ATP6V1B1: variants seen among roughly 807,000 people sequenced by gnomAD.
ATP6V1B1 encodes the protein ATPase H+ transporting V1 subunit B1, also known as V-type proton ATPase subunit B, kidney isoform.
In ATP6V1B1, 41 loss-of-function variants were observed where a neutral mutation model predicts 62.1. The observed-to-expected ratio is 0.66, with a 90% CI of 0.51 to 0.86. The LOEUF is 0.86. Ranked by LOEUF, ATP6V1B1 falls within the 40% of genes least tolerant of loss-of-function variation. ATP6V1B1 has a pLI of 0.00. For synonymous variants in ATP6V1B1, 253 were observed against 273.4 expected, an observed-to-expected ratio of 0.93 and a Z score of 0.74; for missense variants, 651 against 697.5, an observed-to-expected ratio of 0.93 and a Z score of 0.75.
chr2:70,942,033 T>C (rs1300918973), intron 1 of ATP6V1B1: 5 of 1,110,258 alleles, frequency 4.5e-6, no homozygotes, highest in Non-Finnish European at 5.5e-6. Context: ...CGAGGTTTAT[T>C]TTGTACTGGA....
In ATP6V1B1 at chr2:70,944,958, T is replaced by C. The variant is rs187467915; in HGVS notation, c.174+1245T>C. On this transcript the variant is annotated intron_variant, in intron 2 of 13. Coordinates refer to ENST00000234396, the MANE Select transcript of ATP6V1B1 (RefSeq NM_001692.4). ...CTGGGATTACAGGCGTGAGCCACCG[T>C]GCCCAGCTGCTTACAGGTCTTTTCT... 2.6e-4 allele frequency among the ~76,000 whole-genome samples: 40 copies of C among 152,268 alleles called. 1 individual carries two copies. Among genetic ancestry groups the C allele is most frequent in the Middle Eastern group, 3.4e-3 (1 of 294 alleles).
In ATP6V1B1 at chr2:70,959,247, C is replaced by G. The variant is rs2104826630; in HGVS notation, c.445+152C>G. On this transcript the variant is annotated intron_variant, in intron 5 of 13. Coordinates refer to ENST00000234396, the MANE Select transcript of ATP6V1B1 (RefSeq NM_001692.4). The surrounding 1 kb of genome is among the most constrained non-coding windows in gnomAD (Gnocchi z 4.2). Reference sequence around the variant, plus strand: ...CCAAATCTTCCACTGAACCCCAACACTGCCGTCAGCACTCCATGTCCATCC... The same window carrying G: ...CCAAATCTTCCACTGAACCCCAACAGTGCCGTCAGCACTCCATGTCCATCC... The G allele has an allele frequency of 1.2e-6, 1 of 818,724 alleles. No individual in the cohort carries two copies. The highest frequency in any genetic ancestry group is 1.7e-5 in the African/African-American group (1 of 59,466). 50.7% of individuals were successfully genotyped at this position (818,724 alleles called of 1,614,324 possible).
chr2:70,963,060 C>T lies in ATP6V1B1; in HGVS notation c.910-102C>T. On this transcript the variant is annotated intron_variant, in intron 9 of 13. Coordinates refer to ENST00000234396, the MANE Select transcript of ATP6V1B1 (RefSeq NM_001692.4). The surrounding 1 kb of genome is among the most constrained non-coding windows in gnomAD (Gnocchi z 4.3). Reference sequence around the variant, plus strand: ...TCTCAGCCTGGCCATTCCTCCCCTGCCCCCCACTCCATTTCTCACAGGGTC... The same window carrying T: ...TCTCAGCCTGGCCATTCCTCCCCTGTCCCCCACTCCATTTCTCACAGGGTC... 1.9e-6 allele frequency: 3 copies of T among 1,599,056 alleles called. No individual in the cohort carries two copies. Among genetic ancestry groups the T allele is most frequent in the Non-Finnish European group, 1.7e-6 (2 of 1,170,446 alleles).
intron 6 of ATP6V1B1, 128 bp from the exon 7 acceptor site, chr2:70,960,793 C>T: frequency 2.5e-6 from 1 of 405,946 alleles, no homozygotes; most frequent in Non-Finnish European, 4.9e-6. Context: ...AAGACTAGCA[C>T]CTGGGGCAGC....
Position 70,963,924 on chromosome 2 carries a change from C to T in ATP6V1B1, c.1143+270C>T. On this transcript the variant is annotated intron_variant, in intron 11 of 13. Coordinates refer to ENST00000234396, the MANE Select transcript of ATP6V1B1 (RefSeq NM_001692.4). The surrounding 1 kb of genome is among the most constrained non-coding windows in gnomAD (Gnocchi z 4.3). ...AAAATGGGAATAATCAAATATATCA[C>T]CCAGACGCATTGTGGAGGATAAAAA... 1.8e-6 allele frequency: 1 copy of T among 549,100 alleles called. No individual in the cohort carries two copies. The highest frequency in any genetic ancestry group is 3.3e-6 in the Non-Finnish European group (1 of 304,206). 34.0% of individuals were successfully genotyped at this position (549,100 alleles called of 1,614,324 possible). A position where few individuals can be genotyped will look rare whatever the true frequency, so the allele number is the denominator to read the frequency against.
intron 1 of ATP6V1B1, chr2:70,941,705 G>A: frequency 8.1e-6 from 8 of 983,142 alleles, no homozygotes; most frequent in Non-Finnish European, 9.7e-6. Flanking sequence ...TATGCTTGAA[G>A]AAAGGAAGCA....
intron 1 of ATP6V1B1, 54 bp from the exon 2 acceptor site, chr2:70,943,604 G>A (rs782348962): frequency 7.6e-6 from 12 of 1,570,870 alleles, no homozygotes; most frequent in East Asian, 2.3e-5. Flanking sequence ...GCCTCTGTGT[G>A]TGTGAGCAGG....
intron 1 of ATP6V1B1, among the ~76,000 whole-genome samples, chr2:70,937,007 C>T (rs1226240690): frequency 1.3e-5 from 2 of 152,146 alleles, no homozygotes; most frequent in Non-Finnish European, 2.9e-5. Context: ...CTCTCCCTGG[C>T]CTGGTGAATT....
chr2:70,959,053 A>C lies in ATP6V1B1; in HGVS notation c.403A>C (p.Lys135Gln). The change falls in exon 5 of 14, where the codon AAG becomes CAG. Residue 135 changes from lysine to glutamine, a missense_variant. Physicochemically the swap from Lys to Gln is moderately conservative, Grantham distance 53 (BLOSUM62 1). Transcript: ENST00000234396. The surrounding 1 kb of genome is among the most constrained non-coding windows in gnomAD (Gnocchi z 4.2). ...VFNGSGKPIDKGPVVMAEDFL... is the reference protein window; with the variant it reads ...VFNGSGKPIDQGPVVMAEDFL... ...CAATGGCTCCGGCAAGCCCATTGAC[A>C]AGGGGCCAGTGGTCATGGCGGAGGA... 1 of 1,614,096 alleles carries C rather than the reference A, an allele frequency of 6.2e-7. No individual in the cohort carries two copies.
intron 9 of ATP6V1B1, 25 bp downstream of exon 9, chr2:70,962,925 A>G: frequency 6.2e-7 from 1 of 1,613,448 alleles, no homozygotes; most frequent in Non-Finnish European, 8.5e-7. Context: ...AAGGGGTGTC[A>G]GATTCCTCCC....
chr2:70,961,852 G>C, intron 8 of ATP6V1B1, 159 bp downstream of exon 8: 1 of 738,036 alleles, frequency 1.4e-6, no homozygotes, highest in Non-Finnish European at 2.3e-6. Context: ...TGAGGCCTGG[G>C]AAGGGCTAGG....
At chr2:70,945,567 T>C (rs1553417180) in intron 2 of ATP6V1B1, among the ~76,000 whole-genome samples, 1 of 151,772 alleles carries the variant, frequency 6.6e-6, no homozygotes, top group Non-Finnish European at 1.5e-5. Flanking sequence ...TTGTACATAT[T>C]CCTGAGGTAC....
intron 11 of ATP6V1B1, among the ~76,000 whole-genome samples, 162 bp from the exon 12 acceptor site, chr2:70,964,276 T>A (rs1458260119): frequency 6.6e-6 from 1 of 152,158 alleles, no homozygotes; most frequent in East Asian, 1.9e-4. Context: ...AGACAGCTGA[T>A]GCCCAAGCCC....
chr2:70,952,407 G>A lies in ATP6V1B1; in HGVS notation c.175-5639G>A, dbSNP rs376954183. Among the ~76,000 whole-genome samples the A allele has an allele frequency of 7.9e-5, 12 of 151,528 alleles. No homozygotes were observed. The East Asian group carries it at 2.3e-3, about 29-fold the overall frequency. On this transcript the variant is annotated intron_variant, in intron 2 of 13. Coordinates refer to ENST00000234396, the MANE Select transcript of ATP6V1B1 (RefSeq NM_001692.4). ...GATCCTGGGAGGCGCAGGTTGCAGT[G>A]AGCCGAGATCTCGCCATTGCATTCC...
intron 2 of ATP6V1B1, among the ~76,000 whole-genome samples, chr2:70,950,560 T>G (rs949224109): frequency 2.8e-4 from 42 of 152,084 alleles, no homozygotes; most frequent in African/African-American, 9.9e-4. Context: ...GCAGATGGGA[T>G]GGTTTTCTCC....
intron 12 of ATP6V1B1, 45 bp downstream of exon 12, chr2:70,964,587 G>A (rs782222285): frequency 1.1e-5 from 17 of 1,610,194 alleles, no homozygotes; most frequent in South Asian, 2.2e-5. Context: ...TCTAGTTTCC[G>A]AAGCTGAAGG....
intron 2 of ATP6V1B1, among the ~76,000 whole-genome samples, chr2:70,952,002 T>C (rs963834109): frequency 6.6e-6 from 1 of 152,234 alleles, no homozygotes; most frequent in Non-Finnish European, 1.5e-5. Context: ...TCCAAAACAA[T>C]GTTAGGTAAC....
intron 1 of ATP6V1B1, among the ~76,000 whole-genome samples, chr2:70,938,045 C>T (rs1386447331): frequency 6.6e-6 from 1 of 152,178 alleles, no homozygotes; most frequent in African/African-American, 2.4e-5. Context: ...TGCAGGGGAG[C>T]CCCTCTAGGC....
intron 2 of ATP6V1B1, 172 bp downstream of exon 2, chr2:70,943,885 C>A: frequency 1.3e-6 from 1 of 785,774 alleles, no homozygotes; most frequent in Non-Finnish European, 1.5e-6. Context: ...GTATCCCCAG[C>A]CGTCCAAGCT....
Sources: allele counts gnomAD v4.1 joint callset (sites outside exome capture counted in the v4.1 genomes callset), GRCh38; gene constraint gnomAD v4.1.1; non-coding constraint Gnocchi (gnomAD v3.1); transcripts MANE v1.5; gene names NCBI Gene and HGNC (gene_info 2026-07-23, HGNC 2026-07-21).